The following CAST variants were observed in gnomAD, a reference collection of about 807,000 sequenced individuals.
CAST encodes MIR583 host.
CAST carries 76 observed loss-of-function variants against 119.6 expected under a neutral mutation model. That is an observed-to-expected ratio of 0.64 (90% CI 0.53 to 0.77). CAST has a LOEUF of 0.77. CAST is among the 30% of genes least tolerant of loss of function. CAST has a pLI of 0.00. For missense variants in CAST, 953 were observed against 946.5 expected, an observed-to-expected ratio of 1.01 and a Z score of -0.09; for synonymous variants, 319 against 331.6, an observed-to-expected ratio of 0.96 and a Z score of 0.41.
the CAST span, among the ~76,000 whole-genome samples, chr5:96,348,645 G>T: frequency 6.6e-6 from 1 of 152,106 alleles, no homozygotes; most frequent in South Asian, 2.1e-4. Flanking sequence ...GAGTTCATGG[G>T]TTGGAGAAAG....
chr5:96,425,028 GAA>G, the CAST span, among the ~76,000 whole-genome samples: 1 of 83,540 alleles, frequency 1.2e-5, no homozygotes, highest in Non-Finnish European at 2.8e-5. Context: ...AAGAAAGAAA[GAA>G]AGAAAGAAAG....
intron 9 of CAST, among the ~76,000 whole-genome samples, chr5:96,732,073 G>A (rs1364340903): frequency 2.7e-5 from 4 of 147,504 alleles, no homozygotes; most frequent in African/African-American, 5.0e-5. Context: ...CTGAGGAATC[G>A]CCACACTGAC....
At chr5:96,340,821 C>T in the CAST span, among the ~76,000 whole-genome samples, 1 of 152,192 alleles carries the variant, frequency 6.6e-6, no homozygotes, top group Non-Finnish European at 1.5e-5. Flanking sequence ...GCAGTATATA[C>T]TATGACTATT....
chr5:96,671,317 T>C (rs1750038210), intron 1 of CAST, among the ~76,000 whole-genome samples: 2 of 152,166 alleles, frequency 1.3e-5, no homozygotes, highest in Admixed American at 1.3e-4. Flanking sequence ...CAGGACAGTA[T>C]TGTGTGTTCA....
At chr5:96,436,125 G>A in the CAST span, among the ~76,000 whole-genome samples, 1 of 152,082 alleles carries the variant, frequency 6.6e-6, no homozygotes, top group African/African-American at 2.4e-5. Context: ...GTTTGCTATG[G>A]GTAACATTAA....
At chr5:96,139,796 C>T in the CAST span, among the ~76,000 whole-genome samples, 1 of 151,814 alleles carries the variant, frequency 6.6e-6, no homozygotes, top group East Asian at 1.9e-4. Context: ...ATAATATTCC[C>T]CTTCTAATTA....
chr5:96,545,717 A>G (rs923396286), intron 1 of CAST, among the ~76,000 whole-genome samples: 1 of 152,192 alleles, frequency 6.6e-6, no homozygotes, highest in Non-Finnish European at 1.5e-5. Flanking sequence ...TATCACCATG[A>G]CCGCTTATTT....
At chr5:96,000,261 C>A in the CAST span, among the ~76,000 whole-genome samples, 1 of 151,926 alleles carries the variant, frequency 6.6e-6, no homozygotes, top group Admixed American at 6.6e-5. Flanking sequence ...ATTTTGATGT[C>A]CAATTTATCA....
the CAST span, among the ~76,000 whole-genome samples, chr5:96,372,942 T>A: frequency 6.6e-6 from 1 of 152,302 alleles, no homozygotes; most frequent in African/African-American, 2.4e-5. Context: ...GATAGCACAA[T>A]GTCCAGGCGC....
chr5:96,724,907 G>A (rs999515042), intron 4 of CAST, among the ~76,000 whole-genome samples: 1 of 152,202 alleles, frequency 6.6e-6, no homozygotes, highest in African/African-American at 2.4e-5. Context: ...AGGAAAGAGA[G>A]CCAGAAATAT....
At chr5:96,155,084 AGGT>A in the CAST span, among the ~76,000 whole-genome samples, 2 of 152,190 alleles carry the variant, frequency 1.3e-5, no homozygotes, top group Non-Finnish European at 2.9e-5. Context: ...TGCTGCCATC[AGGT>A]TAGGAAATAT....
chr5:96,759,721 A>G (rs1443699269), intron 24 of CAST, among the ~76,000 whole-genome samples: 3 of 152,032 alleles, frequency 2.0e-5, no homozygotes, highest in Non-Finnish European at 4.4e-5. Context: ...TACAAAAAAT[A>G]CAATTAAATT....
chr5:96,076,306 C>T, the CAST span, among the ~76,000 whole-genome samples: 1 of 152,146 alleles, frequency 6.6e-6, no homozygotes, highest in African/African-American at 2.4e-5. Context: ...ACATATTGCT[C>T]TAAACAACAT....
At chr5:96,377,621 T>C in the CAST span, among the ~76,000 whole-genome samples, 1 of 152,168 alleles carries the variant, frequency 6.6e-6, no homozygotes, top group Non-Finnish European at 1.5e-5. Flanking sequence ...TCCAGGCTTA[T>C]GTCAATATAC....
At chr5:96,070,217 C>T in the CAST span, among the ~76,000 whole-genome samples, 1 of 152,144 alleles carries the variant, frequency 6.6e-6, no homozygotes, top group African/African-American at 2.4e-5. Context: ...ATTATTCCTT[C>T]CTCTCCATTT....
intron 1 of CAST, among the ~76,000 whole-genome samples, chr5:96,664,688 A>G (rs1050168534): frequency 1.3e-5 from 2 of 152,224 alleles, no homozygotes; most frequent in Non-Finnish European, 2.9e-5. Flanking sequence ...CTACATAAGT[A>G]TTGGTGAGGA....
intron 1 of CAST, among the ~76,000 whole-genome samples, chr5:96,619,165 C>T (rs575523305): frequency 6.7e-4 from 101 of 151,810 alleles, no homozygotes; most frequent in Non-Finnish European, 2.4e-4. Flanking sequence ...GTGTCTAGCT[C>T]AGGGATTGTA....
the CAST span, among the ~76,000 whole-genome samples, chr5:96,265,123 C>T: frequency 6.6e-6 from 1 of 151,992 alleles, no homozygotes; most frequent in Non-Finnish European, 1.5e-5. Context: ...AGTATTTGTA[C>T]CAAGTTTCCT....
At chr5:96,748,158 A>C (rs1390373494) in intron 18 of CAST, among the ~76,000 whole-genome samples, 2 of 152,244 alleles carry the variant, frequency 1.3e-5, no homozygotes, top group Non-Finnish European at 2.9e-5. Context: ...TATTCAGAAG[A>C]GAAGTCATGA....
Sources: gnomAD v4.1 joint callset for allele counts (sites outside exome capture counted in the v4.1 genomes callset) on GRCh38, gnomAD v4.1.1 for gene constraint, MANE v1.5 for transcripts, NCBI Gene and HGNC (gene_info 2026-07-23, HGNC 2026-07-21) for gene names.